TMTC3: variants seen among roughly 807,000 people sequenced by gnomAD.
TMTC3 encodes the protein transmembrane O-mannosyltransferase targeting cadherins 3, also known as protein O-mannosyl-transferase TMTC3.
Under a neutral mutation model 92.2 loss-of-function variants are expected in TMTC3, and 52 were observed. That is an observed-to-expected ratio of 0.56 (90% CI 0.45 to 0.71). TMTC3 has a LOEUF of 0.71. Among genes scored for constraint, TMTC3 ranks in the 30% least tolerant of loss-of-function variants. The pLI, the probability that TMTC3 is intolerant of heterozygous loss-of-function variation, is 0.00. For synonymous variants in TMTC3, 339 were observed against 363.3 expected (o/e 0.93, Z 0.76); for missense variants, 896 against 1,057.1 (o/e 0.85, Z 2.11).
chr12:88,185,061 A>G (rs2041360663), intron 10 of TMTC3, among the ~76,000 whole-genome samples: 1 of 152,204 alleles, frequency 6.6e-6, no homozygotes, highest in Admixed American at 6.5e-5. Context: ...TAATTTTTTA[A>G]TAGCAATCTT....
chr12:88,176,528 C>A (rs1161158722), intron 10 of TMTC3, among the ~76,000 whole-genome samples: 2 of 152,098 alleles, frequency 1.3e-5, no homozygotes, highest in African/African-American at 4.8e-5. Flanking sequence ...GTATTCCCAG[C>A]ACTTTGGGAG....
chr12:88,191,585 C>T (rs923895544), intron 12 of TMTC3, among the ~76,000 whole-genome samples: 1 of 152,152 alleles, frequency 6.6e-6, no homozygotes, highest in African/African-American at 2.4e-5. Flanking sequence ...AATAGAACCA[C>T]ACTAGAAAGA....
intron 10 of TMTC3, among the ~76,000 whole-genome samples, chr12:88,188,205 A>T (rs1328631725): frequency 2.0e-5 from 3 of 152,176 alleles, no homozygotes; most frequent in African/African-American, 7.2e-5. Context: ...AGTCACAAAA[A>T]TTTTTAAAAA....
rs79092286 is a variant in TMTC3, at chr12:88,191,151, C to T, written c.1706+529C>T. Reference sequence around the variant, plus strand: ...TTTTGAGGAAAAATGTGTTTTTAAACTTCGTTTTGTAGCCTGGTCCAGAAA... The same window carrying T: ...TTTTGAGGAAAAATGTGTTTTTAAATTTCGTTTTGTAGCCTGGTCCAGAAA... On this transcript the variant is annotated intron_variant, in intron 12 of 13. Coordinates refer to ENST00000266712, the MANE Select transcript of TMTC3 (RefSeq NM_181783.4). Among the ~76,000 whole-genome samples the T allele has an allele frequency of 1.8e-3, 275 of 152,114 alleles. 1 individual carries two copies. Among genetic ancestry groups the T allele is most frequent in the African/African-American group, 6.2e-3 (256 of 41,486 alleles).
At chr12:88,149,405 C>T (rs2040914015) in intron 2 of TMTC3, among the ~76,000 whole-genome samples, 1 of 151,978 alleles carries the variant, frequency 6.6e-6, no homozygotes, top group South Asian at 2.1e-4. Flanking sequence ...TTTTCCTGAT[C>T]TGTAAAAGAG....
chr12:88,180,266 G>A (rs1019650635), intron 10 of TMTC3, among the ~76,000 whole-genome samples: 1 of 152,142 alleles, frequency 6.6e-6, no homozygotes, highest in Non-Finnish European at 1.5e-5. Flanking sequence ...GTGACATGTA[G>A]TGTTACTTGG....
At chr12:88,187,938 G>T (rs1736794251) in intron 10 of TMTC3, among the ~76,000 whole-genome samples, 1 of 151,962 alleles carries the variant, frequency 6.6e-6, no homozygotes, top group Admixed American at 6.6e-5. Flanking sequence ...TTTTTAAAAA[G>T]CTACTGTACA....
intron 12 of TMTC3, among the ~76,000 whole-genome samples, chr12:88,191,577 T>C (rs1290730148): frequency 6.6e-6 from 1 of 152,156 alleles, no homozygotes; most frequent in Non-Finnish European, 1.5e-5. Flanking sequence ...TAACAGAAAA[T>C]AGAACCACAC....
intron 2 of TMTC3, among the ~76,000 whole-genome samples, chr12:88,152,319 G>A (rs2040952903): frequency 6.6e-6 from 1 of 151,982 alleles, no homozygotes; most frequent in Admixed American, 6.6e-5. Context: ...GGAGGTTCCA[G>A]GCTCTTTTAA....
rs1326358560 is a variant in TMTC3, at chr12:88,160,136, A to C, written c.531A>C (p.Thr177=). ...CAGTATGGACTCCAATTGCCTTGACAGTGTTTTTAGTGGCTGTTGCAACAT... is the reference window on the plus strand; with the variant it reads ...CAGTATGGACTCCAATTGCCTTGACCGTGTTTTTAGTGGCTGTTGCAACAT... ...NSIIWTPIAL[T]VFLVAVATLC... The change falls in exon 5 of 14, where the codon ACA becomes ACC. Residue 177 remains threonine, a synonymous_variant. Coordinates refer to ENST00000266712, the MANE Select transcript of TMTC3 (RefSeq NM_181783.4). 6.3e-6 allele frequency: 10 copies of C among 1,583,332 alleles called. No homozygotes were observed. The highest frequency in any genetic ancestry group is 7.7e-6 in the Non-Finnish European group (9 of 1,170,476).
chr12:88,199,382 T>A lies in TMTC3; in HGVS notation c.*3733T>A, dbSNP rs2041555811. On this transcript the variant is annotated 3_prime_UTR_variant, in exon 14 of 14. Coordinates refer to ENST00000266712, the MANE Select transcript of TMTC3 (RefSeq NM_181783.4). The stretch of plus-strand genomic sequence containing the variant: ...AGGATTTATATATTTATATGATATA[T>A]TGTATATATTAATATATTTAAATTG... The A allele has an allele frequency of 6.8e-6, 1 of 148,030 alleles. No individual in the cohort carries two copies. Among genetic ancestry groups the A allele is most frequent in the Non-Finnish European group, 1.5e-5 (1 of 67,826 alleles). The allele number at this position is 148,030 out of a possible 1,614,324, so 9.2% of individuals were successfully genotyped here.
chr12:88,172,775 T>A (rs2041219663), intron 8 of TMTC3, 30 bp downstream of exon 8: 1 of 1,578,806 alleles, frequency 6.3e-7, no homozygotes, highest in South Asian at 1.2e-5. Flanking sequence ...CATGTAATGC[T>A]TACTATGGAA....
In TMTC3 at chr12:88,188,363, T is replaced by C. The variant is rs116186543; in HGVS notation, c.1433-480T>C. Reference sequence around the variant, plus strand: ...ACCTTTTGAGTGAATTCCTAAGCTATGAGATTAAGTAAATGGAAGCAAGCT... The same window carrying C: ...ACCTTTTGAGTGAATTCCTAAGCTACGAGATTAAGTAAATGGAAGCAAGCT... On this transcript the variant is annotated intron_variant, in intron 10 of 13. Coordinates refer to ENST00000266712, the MANE Select transcript of TMTC3 (RefSeq NM_181783.4). 5.4e-3 allele frequency among the ~76,000 whole-genome samples: 827 copies of C among 152,168 alleles called. 13 individuals are homozygous for C. The highest frequency in any genetic ancestry group is 0.019 in the African/African-American group (773 of 41,528).
chr12:88,194,678 C>G (rs542014995), intron 13 of TMTC3, among the ~76,000 whole-genome samples, 160 bp from the exon 14 acceptor site: 1 of 152,170 alleles, frequency 6.6e-6, no homozygotes, highest in Admixed American at 6.5e-5. Flanking sequence ...TTTGCTTTTC[C>G]TATGAAGACT....
In TMTC3 at chr12:88,183,928, CT is replaced by C. The variant is rs370378034; in HGVS notation, c.1433-4913del. On this transcript the variant is annotated intron_variant, in intron 10 of 13. Transcript: ENST00000266712. ...CCCTAGCCTGAACAATTCCCTCGAA[CT>C]TGGAAATCCCAAGCGGGCACCAATG... Among the ~76,000 whole-genome samples the C allele has an allele frequency of 1.6e-4, 25 of 152,278 alleles. No individual in the cohort carries two copies. In the South Asian group the frequency reaches 5.2e-3, roughly 32 times the overall value.
At position 88,145,004 on chromosome 12, in the gene TMTC3, C is replaced by G. The variant is rs1398198799; in HGVS notation, c.-29+2517C>G. Among the ~76,000 whole-genome samples the G allele has an allele frequency of 2.0e-5, 3 of 152,160 alleles. No homozygotes were observed. The East Asian group carries it at 5.8e-4, about 29-fold the overall frequency. ...GGACCTGCCTTCTTTCTGCCCTAGG[C>G]TTTTGTGAACAGTTTTATCTGACCA... On this transcript the variant is annotated intron_variant, in intron 1 of 13. Transcript: ENST00000266712.
intron 7 of TMTC3, among the ~76,000 whole-genome samples, chr12:88,171,502 G>A (rs11831698): frequency 0.12 from 18,066 of 151,972 alleles, 1,973 homozygotes; most frequent in African/African-American, 0.29. Context: ...GGTGTCCTCC[G>A]GGTTTATCCA....
At chr12:88,146,487 A>C (rs1014511088) in intron 1 of TMTC3, among the ~76,000 whole-genome samples, 15 of 151,802 alleles carry the variant, frequency 9.9e-5, no homozygotes, top group Non-Finnish European at 2.1e-4. Flanking sequence ...TGAGAAATCT[A>C]CCCTTTAAAA....
intron 7 of TMTC3, among the ~76,000 whole-genome samples, chr12:88,169,881 G>A (rs574244116): frequency 6.7e-6 from 1 of 150,332 alleles, no homozygotes; most frequent in African/African-American, 2.4e-5. Flanking sequence ...CAAGAATGCA[G>A]TAGACTATGA....
Sources: allele counts gnomAD v4.1 joint callset (sites outside exome capture counted in the v4.1 genomes callset), GRCh38; gene constraint gnomAD v4.1.1; transcripts MANE v1.5; gene names NCBI Gene and HGNC (gene_info 2026-07-23, HGNC 2026-07-21).